Variants in SNAP47 observed in about 807,000 individuals in gnomAD.
SNAP47 encodes synaptosome associated protein 47, also known as synaptosomal-associated protein 47.
In SNAP47, 20 loss-of-function variants were observed where a neutral mutation model predicts 31.4. The observed-to-expected ratio is 0.64, with a 90% CI of 0.45 to 0.93. The LOEUF is 0.93. Among genes scored for constraint, SNAP47 ranks in the 40% least tolerant of loss-of-function variants. The probability of loss-of-function intolerance (pLI) is 0.00; values close to 1 mark genes in which losing one functional copy is unlikely to be tolerated. For synonymous variants in SNAP47, 194 were observed against 213.4 expected (o/e 0.91, Z 0.79); for missense variants, 492 against 528.5 (o/e 0.93, Z 0.68).
chr1:227,767,299 C>T (rs955874050), intron 4 of SNAP47, among the ~76,000 whole-genome samples: 13 of 152,326 alleles, frequency 8.5e-5, no homozygotes, highest in Non-Finnish European at 1.6e-4. Flanking sequence ...ACAACATGCA[C>T]CACATTCAGA....
chr1:227,769,402 C>G (rs1488459320), intron 4 of SNAP47, among the ~76,000 whole-genome samples: 1 of 152,074 alleles, frequency 6.6e-6, no homozygotes, highest in Non-Finnish European at 1.5e-5. Flanking sequence ...TCACAGGAGA[C>G]TGTCTTTTTG....
rs746736794 is a variant in SNAP47, at chr1:227,759,502, G to A, written c.988+17G>A. 2 of 1,610,762 alleles carry A rather than the reference G, an allele frequency of 1.2e-6. No individual in the cohort carries two copies. The highest frequency in any genetic ancestry group is 2.2e-5 in the East Asian group (1 of 44,836). On this transcript the variant is annotated intron_variant, in intron 3 of 4. Coordinates refer to ENST00000617596, the MANE Select transcript of SNAP47 (RefSeq NM_053052.4). ...GGCATGCAGGTTAGTGACCGACAAG[G>A]CAGTGAGCGCGTGCACAGACTTCTA...
At chr1:227,753,217 G>A (rs536097364) in intron 2 of SNAP47, among the ~76,000 whole-genome samples, 2 of 152,278 alleles carry the variant, frequency 1.3e-5, no homozygotes, top group East Asian at 1.9e-4. Flanking sequence ...TGGGAGTGCC[G>A]GTGTCACTTT....
At chr1:227,737,021 C>T (rs993984429) in intron 1 of SNAP47, among the ~76,000 whole-genome samples, 1 of 152,196 alleles carries the variant, frequency 6.6e-6, no homozygotes, top group East Asian at 1.9e-4. Context: ...ATACTTTCTT[C>T]CATGCCTGGA....
Position 227,758,907 on chromosome 1 carries a change from C to T in SNAP47, c.498-88C>T. 3 of 1,475,606 alleles carry T rather than the reference C, an allele frequency of 2.0e-6. No individual in the cohort carries two copies. In the South Asian group the frequency reaches 4.3e-5, roughly 21 times the overall value. The allele number at this position is 1,475,606 out of a possible 1,614,324, so 91.4% of individuals were successfully genotyped here. On this transcript the variant is annotated intron_variant, in intron 2 of 4. Coordinates refer to ENST00000617596, the MANE Select transcript of SNAP47 (RefSeq NM_053052.4). Reference sequence around the variant, plus strand: ...TAGAGTAAAATGGCAACATGCTTTACAAAGGTTAAAACCGTTTTCCAAAAA... The same window carrying T: ...TAGAGTAAAATGGCAACATGCTTTATAAAGGTTAAAACCGTTTTCCAAAAA...
At chr1:227,739,684 T>C (rs1453070170) in intron 1 of SNAP47, among the ~76,000 whole-genome samples, 2 of 152,174 alleles carry the variant, frequency 1.3e-5, no homozygotes, top group Admixed American at 6.5e-5. Flanking sequence ...CCTTGAGTGA[T>C]GGAAATGCTG....
At chr1:227,746,579 G>GAC (rs1661977911) in intron 1 of SNAP47, 1 of 152,234 alleles carries the variant, frequency 6.6e-6, no homozygotes, top group Admixed American at 6.5e-5. Context: ...AGGAACCAGG[G>GAC]ACGGATCAGG....
rs375746415 is a variant in SNAP47 at position 227,775,520 on chromosome 1, C to T, written c.1114-5007C>T. ...GACATGTCCCATGGGACACAAGAGC[C>T]GATGTCCCGCAGAGTTTGGAGGCCA... On this transcript the variant is annotated intron_variant, in intron 4 of 4. Coordinates refer to ENST00000617596, the MANE Select transcript of SNAP47 (RefSeq NM_053052.4). Among the ~76,000 whole-genome samples, 12 of 152,300 alleles carry T rather than the reference C, an allele frequency of 7.9e-5. No individual in the cohort carries two copies. In the East Asian group the frequency reaches 1.6e-3, roughly 20 times the overall value.
rs1357191476 is a variant in SNAP47 at position 227,741,966 on chromosome 1, A to G, written c.-45-5726A>G. ...TTATTGTTTAAAATGTGATAATGAG[A>G]AGAGCCTTGGTTATTCATGTCCTAA... is the stretch of plus-strand genomic sequence containing the variant. On this transcript the variant is annotated intron_variant, in intron 1 of 4. Coordinates refer to ENST00000617596, the MANE Select transcript of SNAP47 (RefSeq NM_053052.4). This position sits in a 1 kb window ranked among gnomAD's most constrained non-coding sequence, Gnocchi z 4.2. 6.6e-6 allele frequency among the ~76,000 whole-genome samples: 1 copy of G among 151,908 alleles called. No individual in the cohort carries two copies. Among genetic ancestry groups the G allele is most frequent in the Non-Finnish European group, 1.5e-5 (1 of 67,942 alleles).
intron 2 of SNAP47, among the ~76,000 whole-genome samples, chr1:227,753,017 T>C (rs1662474274): frequency 6.6e-6 from 1 of 152,220 alleles, no homozygotes; most frequent in African/African-American, 2.4e-5. Flanking sequence ...CTTTTATTTC[T>C]GTTGAAGGTC....
chr1:227,749,528 A>G (rs2102923564), intron 2 of SNAP47, among the ~76,000 whole-genome samples: 1 of 152,228 alleles, frequency 6.6e-6, no homozygotes, highest in South Asian at 2.1e-4. Flanking sequence ...TCATCACCCC[A>G]TAGGGCTCTG....
chr1:227,735,987 G>A (rs1305343393), intron 1 of SNAP47, among the ~76,000 whole-genome samples: 1 of 151,830 alleles, frequency 6.6e-6, no homozygotes. Flanking sequence ...GGTGGCACTT[G>A]GAGGAGATGG....
At chr1:227,753,136 C>G (rs761723544) in intron 2 of SNAP47, among the ~76,000 whole-genome samples, 7 of 152,238 alleles carry the variant, frequency 4.6e-5, no homozygotes, top group Admixed American at 2.0e-4. Context: ...TCCATTTTCT[C>G]AATCCATCCG....
At chr1:227,760,354 C>T (rs1359516951) in intron 3 of SNAP47, among the ~76,000 whole-genome samples, 15 of 152,230 alleles carry the variant, frequency 9.9e-5, no homozygotes. Flanking sequence ...GTTTTCCTAG[C>T]CTGGCGCCCA....
chr1:227,777,456 C>T (rs116811171), intron 4 of SNAP47, among the ~76,000 whole-genome samples: 4,889 of 152,276 alleles, frequency 0.032, 138 homozygotes, highest in African/African-American at 0.082. Context: ...TCATGCCTCC[C>T]TGTGGTCCTG....
chr1:227,748,442 C>G (rs1424457730), intron 2 of SNAP47, among the ~76,000 whole-genome samples: 1 of 152,240 alleles, frequency 6.6e-6, no homozygotes, highest in African/African-American at 2.4e-5. Context: ...ACGGTACACT[C>G]TGCTGGAAAC....
chr1:227,732,327 C>A, upstream of SNAP47: 1 of 1,573,856 alleles, frequency 6.4e-7, no homozygotes, highest in Admixed American at 1.7e-5. Flanking sequence ...GTCTTTATTT[C>A]TGGAAGGGCC....
chr1:227,741,955 G>C lies in SNAP47; in HGVS notation c.-45-5737G>C, dbSNP rs1291845601. ...TTTCCTTATATTTATTGTTTAAAATGTGATAATGAGAAGAGCCTTGGTTAT... is the reference window on the plus strand; with the variant it reads ...TTTCCTTATATTTATTGTTTAAAATCTGATAATGAGAAGAGCCTTGGTTAT... On this transcript the variant is annotated intron_variant, in intron 1 of 4. Transcript: ENST00000617596. This position sits in a 1 kb window ranked among gnomAD's most constrained non-coding sequence, Gnocchi z 4.2. Among the ~76,000 whole-genome samples, 1 of 152,056 alleles carries C rather than the reference G, an allele frequency of 6.6e-6. No homozygotes were observed. Among genetic ancestry groups the C allele is most frequent in the East Asian group, 1.9e-4 (1 of 5,198 alleles).
intron 1 of SNAP47, among the ~76,000 whole-genome samples, chr1:227,738,074 T>C (rs964783581): frequency 6.6e-6 from 1 of 152,122 alleles, no homozygotes; most frequent in Non-Finnish European, 1.5e-5. Flanking sequence ...CCGCGTCTTA[T>C]TCTGTCACCC....
Sources: gnomAD v4.1 joint callset for allele counts (sites outside exome capture counted in the v4.1 genomes callset) on GRCh38, gnomAD v4.1.1 for gene constraint, Gnocchi (gnomAD v3.1) non-coding constraint, MANE v1.5 for transcripts, NCBI Gene and HGNC (gene_info 2026-07-23, HGNC 2026-07-21) for gene names.